Variants in MMP26 observed in about 807,000 individuals in gnomAD.
MMP26 encodes the protein matrix metallopeptidase 26, also known as matrix metalloproteinase-26.
A neutral mutation model predicts 31.0 loss-of-function variants in MMP26; 33 were observed. The ratio of observed to expected loss-of-function variants is 1.06; its 90% CI spans 0.81 to 1.42. The LOEUF is 1.42. Among genes scored for constraint, MMP26 ranks in the 40% most tolerant of loss-of-function variants. The pLI, the probability that MMP26 is intolerant of heterozygous loss-of-function variation, is 0.00. For synonymous variants in MMP26, 122 were observed against 114.9 expected, an observed-to-expected ratio of 1.06 and a Z score of -0.40; for missense variants, 347 against 316.1, an observed-to-expected ratio of 1.10 and a Z score of -0.74.
intron 1 of MMP26, chr11:4,723,872 A>G (rs1848057319): frequency 7.9e-7 from 1 of 1,272,398 alleles, no homozygotes; most frequent in Non-Finnish European, 1.1e-6. Flanking sequence ...GAGGCAAACT[A>G]GCTGTTGAGG....
In MMP26 at chr11:4,838,315, TAAAAAAAAAAAAAAAAAAAAAAA is replaced by T. The variant is rs540572047; in HGVS notation, c.-145+70993_-145+71015del. ...CCAGGGCACAGGGCAAGACTCTGTC[TAAAAAAAAAAAAAAAAAAAAAAA>T]AAAAAAAAAAAAAAAAAAGTATGAT... On this transcript the variant is annotated intron_variant, in intron 2 of 7. Coordinates refer to ENST00000380390, the MANE Select transcript of MMP26 (RefSeq NM_021801.5). 1.3e-3 allele frequency among the ~76,000 whole-genome samples: 36 copies of T among 27,418 alleles called. 2 individuals carry two copies. Among genetic ancestry groups the T allele is most frequent in the East Asian group, 5.4e-3 (4 of 742 alleles). 18.0% of individuals were successfully genotyped at this position (27,418 alleles called of 152,430 possible).
chr11:4,809,633 TG>T, intron 2 of MMP26, among the ~76,000 whole-genome samples: 1 of 152,230 alleles, frequency 6.6e-6, no homozygotes, highest in South Asian at 2.1e-4. Context: ...GCAATAATGC[TG>T]GAGCAGTGTG....
At chr11:4,830,363 G>A (rs1469124719) in intron 2 of MMP26, 1 of 152,170 alleles carries the variant, frequency 6.6e-6, no homozygotes, top group Non-Finnish European at 1.5e-5. Context: ...AATATTTCAT[G>A]GGTTGTTCAA....
intron 2 of MMP26, among the ~76,000 whole-genome samples, chr11:4,963,486 A>G (rs905644769): frequency 3.3e-5 from 5 of 152,202 alleles, no homozygotes; most frequent in African/African-American, 1.2e-4. Flanking sequence ...TTCAAACTAT[A>G]CTACAAGGCT....
chr11:4,898,904 G>C (rs536659628), intron 2 of MMP26, among the ~76,000 whole-genome samples: 1 of 151,388 alleles, frequency 6.6e-6, no homozygotes, highest in East Asian at 2.0e-4. Context: ...CTGTAAGAAT[G>C]TGAAGGAAGC....
chr11:4,759,763 T>C (rs1280690405), intron 1 of MMP26, among the ~76,000 whole-genome samples: 1 of 152,190 alleles, frequency 6.6e-6, no homozygotes, highest in Non-Finnish European at 1.5e-5. Context: ...TGTTTCTTCA[T>C]CTAATCCAAG....
At chr11:4,926,819 G>T (rs184093210) in intron 2 of MMP26, among the ~76,000 whole-genome samples, 1 of 152,322 alleles carries the variant, frequency 6.6e-6, no homozygotes, top group Admixed American at 6.5e-5. Flanking sequence ...TGGAATTGCT[G>T]CATCATCAGA....
intron 2 of MMP26, among the ~76,000 whole-genome samples, chr11:4,956,961 T>C (rs1846452626): frequency 6.6e-6 from 1 of 152,224 alleles, no homozygotes; most frequent in Non-Finnish European, 1.5e-5. Flanking sequence ...TTAAATAATA[T>C]AATCAAGTTA....
At chr11:4,838,092 C>T (rs1006382052) in intron 2 of MMP26, among the ~76,000 whole-genome samples, 10 of 150,798 alleles carry the variant, frequency 6.6e-5, no homozygotes, top group African/African-American at 1.9e-4. Flanking sequence ...CTGAGGCAGG[C>T]GGATCACGAG....
At chr11:4,725,802 G>T (rs1211810697) in intron 1 of MMP26, among the ~76,000 whole-genome samples, 3 of 152,198 alleles carry the variant, frequency 2.0e-5, no homozygotes, top group Non-Finnish European at 4.4e-5. Context: ...TTTCTGTGGT[G>T]GTAGAGTAAA....
chr11:4,873,700 T>G (rs1850340162), intron 2 of MMP26, among the ~76,000 whole-genome samples: 1 of 152,082 alleles, frequency 6.6e-6, no homozygotes, highest in African/African-American at 2.4e-5. Flanking sequence ...GCATTTATTA[T>G]ATCTGAACTT....
chr11:4,848,942 C>A (rs1849929326), intron 2 of MMP26: 3 of 1,613,760 alleles, frequency 1.9e-6, no homozygotes, highest in Non-Finnish European at 8.5e-7. Context: ...CGATGCCCAG[C>A]AGTGTGGGCA....
At chr11:4,941,813 C>T (rs1046655785) in intron 2 of MMP26, among the ~76,000 whole-genome samples, 2 of 151,524 alleles carry the variant, frequency 1.3e-5, no homozygotes, top group East Asian at 3.9e-4. Flanking sequence ...CTGCTAGGTG[C>T]CGTGGCTCAC....
chr11:4,868,050 T>G lies in MMP26; in HGVS notation c.-145+100709T>G, dbSNP rs142049991. On this transcript the variant is annotated intron_variant, in intron 2 of 7. Coordinates refer to ENST00000380390, the MANE Select transcript of MMP26 (RefSeq NM_021801.5). ...AATGTGGTATAGATATACCATGTAA[T>G]ACTATGGAGCCATAAAAAGGAATGA... Among the ~76,000 whole-genome samples, 720 of 152,238 alleles carry G rather than the reference T, an allele frequency of 4.7e-3. 4 individuals carry two copies. The highest frequency in any genetic ancestry group is 0.016 in the African/African-American group (684 of 41,546).
At chr11:4,849,686 A>T (rs1252864902) in intron 2 of MMP26, among the ~76,000 whole-genome samples, 1 of 152,082 alleles carries the variant, frequency 6.6e-6, no homozygotes, top group African/African-American at 2.4e-5. Flanking sequence ...CTTTATTTCT[A>T]AATTAAGGGG....
intron 2 of MMP26, among the ~76,000 whole-genome samples, chr11:4,778,287 G>A (rs765100075): frequency 6.6e-6 from 1 of 151,976 alleles, no homozygotes; most frequent in Non-Finnish European, 1.5e-5. Context: ...CAAGCCTTTT[G>A]CCTATTTTCC....
intron 2 of MMP26, chr11:4,945,861 A>G (rs1846290836): frequency 2.5e-6 from 1 of 392,970 alleles, no homozygotes; most frequent in African/African-American, 2.1e-5. Context: ...GAGAAATCCA[A>G]CTTCTGTCAG....
chr11:4,885,554 C>T (rs1850535714), intron 2 of MMP26, among the ~76,000 whole-genome samples: 1 of 152,030 alleles, frequency 6.6e-6, no homozygotes, highest in Non-Finnish European at 1.5e-5. Context: ...TAGGCTATAT[C>T]ATAGGTATGT....
At position 4,988,336 on chromosome 11, in the gene MMP26, T is replaced by G. The variant is rs1162773073; in HGVS notation, c.99+26T>G. On this transcript the variant is annotated intron_variant, in intron 3 of 7. Transcript: ENST00000380390. ...GTAGGTGAACGACTCAGGACCACAT[T>G]ATTACATGGTGACCATTGTGGGCTC... 5 of 1,565,596 alleles carry G rather than the reference T, an allele frequency of 3.2e-6. No individual in the cohort carries two copies. The African/African-American group carries it at 6.8e-5, about 21-fold the overall frequency.
Sources: allele counts gnomAD v4.1 joint callset (sites outside exome capture counted in the v4.1 genomes callset), GRCh38; gene constraint gnomAD v4.1.1; transcripts MANE v1.5; gene names NCBI Gene and HGNC (gene_info 2026-07-23, HGNC 2026-07-21).